The following ARL14EPL variants were observed in gnomAD, a reference collection of about 807,000 sequenced individuals.
ARL14EPL encodes ARL14 effector protein-like.
ARL14EPL carries 17 observed loss-of-function variants against 15.9 expected under a neutral mutation model. That is an observed-to-expected ratio of 1.07 (90% CI 0.73 to 1.60). ARL14EPL has a LOEUF of 1.60. ARL14EPL is among the 40% of genes most tolerant of loss of function. ARL14EPL has a pLI of 0.00. For synonymous variants in ARL14EPL, 78 were observed against 63.8 expected (o/e 1.22, Z -1.06); for missense variants, 214 against 185.9 (o/e 1.15, Z -0.88).
At chr5:116,056,734 C>G (rs1749526980) in intron 3 of ARL14EPL, among the ~76,000 whole-genome samples, 1 of 152,176 alleles carries the variant, frequency 6.6e-6, no homozygotes, top group Non-Finnish European at 1.5e-5. Context: ...TGCCTATATC[C>G]TGAATGGTAT....
At chr5:116,052,615 C>A (rs13354172) in intron 2 of ARL14EPL, among the ~76,000 whole-genome samples, 1 of 152,062 alleles carries the variant, frequency 6.6e-6, no homozygotes, top group Admixed American at 6.5e-5. Flanking sequence ...GTAATCGCTT[C>A]GTACTAAGTT....
chr5:116,045,745 A>C (rs968223253), intron 1 of ARL14EPL, among the ~76,000 whole-genome samples: 8 of 148,650 alleles, frequency 5.4e-5, no homozygotes, highest in Admixed American at 6.7e-5. Context: ...GACCCACAGA[A>C]GTGTGTGTGT....
chr5:116,057,494 A>T (rs1749549021), intron 3 of ARL14EPL, among the ~76,000 whole-genome samples: 1 of 151,904 alleles, frequency 6.6e-6, no homozygotes, highest in African/African-American at 2.4e-5. Context: ...AGTTAAGGCA[A>T]AGGGAGGACA....
chr5:116,044,008 C>T (rs1749216888), intron 1 of ARL14EPL, among the ~76,000 whole-genome samples: 1 of 152,132 alleles, frequency 6.6e-6, no homozygotes, highest in Non-Finnish European at 1.5e-5. Flanking sequence ...TGCATTTTAT[C>T]AATCTGGAAC....
chr5:116,033,443 G>A (rs1228374795), intron 1 of ARL14EPL, among the ~76,000 whole-genome samples: 1 of 152,144 alleles, frequency 6.6e-6, no homozygotes, highest in Non-Finnish European at 1.5e-5. Flanking sequence ...ACTATGCTAA[G>A]CTATGATGTT....
At chr5:116,053,896 TA>T in intron 2 of ARL14EPL, 117 bp from the exon 3 acceptor site, 2 of 814,586 alleles carry the variant, frequency 2.5e-6, no homozygotes, top group Non-Finnish European at 3.6e-6. Flanking sequence ...TGTCTTTGTG[TA>T]AAACATATAT....
intron 2 of ARL14EPL, chr5:116,051,803 A>G (rs1749386485): frequency 1.2e-6 from 1 of 822,770 alleles, no homozygotes; most frequent in East Asian, 2.7e-5. Flanking sequence ...TCTGTACAAT[A>G]AAATTCTGCT....
chr5:116,045,283 C>T (rs1399168503), intron 1 of ARL14EPL, among the ~76,000 whole-genome samples: 4 of 152,280 alleles, frequency 2.6e-5, no homozygotes, highest in African/African-American at 7.2e-5. Context: ...AGAATCTCCA[C>T]ACTTAAATAT....
At chr5:116,052,146 C>G (rs895545922) in intron 2 of ARL14EPL, 4 of 1,611,600 alleles carry the variant, frequency 2.5e-6, no homozygotes, top group Non-Finnish European at 3.4e-6. Flanking sequence ...TCAAACAAGA[C>G]TAAGTTATTG....
Position 116,058,759 on chromosome 5 carries a change from A to G in ARL14EPL, c.271A>G (p.Ile91Val), listed in dbSNP as rs1277222200. Residue 91 changes from isoleucine (I) to valine (V), a missense_variant, in exon 4 of 4, where the codon ATC becomes GTC. Coordinates refer to ENST00000686077, the MANE Select transcript of ARL14EPL (RefSeq NM_001195581.2). ...MRKYDKSGRL[I>V]CNDADLCDCL... ...GAAGTATGACAAAAGTGGCAGGCTC[A>G]TCTGTAATGACGCTGATCTGTGTGA... 3.3e-6 allele frequency: 5 copies of G among 1,535,396 alleles called. No homozygotes were observed. Among genetic ancestry groups the G allele is most frequent in the Non-Finnish European group, 4.4e-6 (5 of 1,146,928 alleles).
chr5:116,039,681 A>G (rs1179775672), intron 1 of ARL14EPL, among the ~76,000 whole-genome samples: 1 of 152,140 alleles, frequency 6.6e-6, no homozygotes, highest in Non-Finnish European at 1.5e-5. Flanking sequence ...AGAATATGAC[A>G]TAGAAAAAAA....
chr5:116,052,010 C>G, intron 2 of ARL14EPL: 4 of 1,611,188 alleles, frequency 2.5e-6, no homozygotes, highest in Non-Finnish European at 3.4e-6. Flanking sequence ...AAGTCCTTTA[C>G]TAAGGAGCTC....
chr5:116,046,387 T>A (rs1414243403), intron 1 of ARL14EPL, among the ~76,000 whole-genome samples: 1 of 152,162 alleles, frequency 6.6e-6, no homozygotes, highest in East Asian at 1.9e-4. Flanking sequence ...CACAATCAAC[T>A]GATGAAAATT....
At chr5:116,053,012 C>A (rs1237527289) in intron 2 of ARL14EPL, among the ~76,000 whole-genome samples, 1 of 98,284 alleles carries the variant, frequency 1.0e-5, no homozygotes, top group East Asian at 2.2e-4. Flanking sequence ...TGTCTTCCAG[C>A]TCAGGCCCCA....
At chr5:116,049,073 G>T (rs1368482763) in intron 1 of ARL14EPL, among the ~76,000 whole-genome samples, 2 of 152,138 alleles carry the variant, frequency 1.3e-5, no homozygotes, top group South Asian at 4.1e-4. Context: ...AAATCAAGGA[G>T]CATGCTTTCA....
intron 1 of ARL14EPL, among the ~76,000 whole-genome samples, chr5:116,038,483 C>A (rs367803351): frequency 6.6e-6 from 1 of 152,046 alleles, no homozygotes. Flanking sequence ...TGGAAGGATG[C>A]GGTGACAACG....
chr5:116,053,927 G>A, intron 2 of ARL14EPL, 87 bp from the exon 3 acceptor site: 1 of 1,135,472 alleles, frequency 8.8e-7, no homozygotes, highest in East Asian at 2.6e-5. Flanking sequence ...CCTTTATGGT[G>A]AAAGTTACAG....
intron 3 of ARL14EPL, among the ~76,000 whole-genome samples, chr5:116,057,401 T>A (rs1749545162): frequency 7.2e-6 from 1 of 138,784 alleles, no homozygotes; most frequent in African/African-American, 2.6e-5. Flanking sequence ...TGATTTGATG[T>A]GTATAATTCA....
chr5:116,043,719 T>G (rs1246476077), intron 1 of ARL14EPL, among the ~76,000 whole-genome samples: 1 of 152,220 alleles, frequency 6.6e-6, no homozygotes, highest in Non-Finnish European at 1.5e-5. Context: ...CTGTTATTTC[T>G]TGGCACTTTA....
Sources: gnomAD v4.1 joint callset for allele counts (sites outside exome capture counted in the v4.1 genomes callset) on GRCh38, gnomAD v4.1.1 for gene constraint, MANE v1.5 for transcripts, NCBI Gene and HGNC (gene_info 2026-07-23, HGNC 2026-07-21) for gene names.